Variants in TAF6 observed in about 807,000 individuals in gnomAD.
TAF6 encodes the protein TATA-box binding protein associated factor 6.
A neutral mutation model predicts 73.5 loss-of-function variants in TAF6; 50 were observed. The observed-to-expected ratio is 0.68, with a 90% CI of 0.54 to 0.86. The LOEUF (loss-of-function observed/expected upper bound fraction) is 0.86, where lower values mean the gene tolerates loss of function less well. TAF6 is among the 40% of genes least tolerant of loss of function. The pLI is 0.00. For synonymous variants in TAF6, 424 were observed against 376.7 expected, an observed-to-expected ratio of 1.13 and a Z score of -1.45; for missense variants, 768 against 899.5, an observed-to-expected ratio of 0.85 and a Z score of 1.87.
Position 100,107,183 on chromosome 7 carries a change from T to TAC in TAF6, c.*62_*63insGT. Reference sequence around the variant, plus strand: ...TCCTTCCGCTTAGCGAGCATGCATGTGTGTACGTGCACGTGTGTACATGTC... The same window carrying TAC: ...TCCTTCCGCTTAGCGAGCATGCATGTACGTGTACGTGCACGTGTGTACATGTC... On this transcript the variant is annotated 3_prime_UTR_variant, in exon 15 of 15. Transcript: ENST00000453269. 1 of 1,518,450 alleles carries TAC rather than the reference T, an allele frequency of 6.6e-7. No individual in the cohort carries two copies. The highest frequency in any genetic ancestry group is 1.3e-5 in the South Asian group (1 of 75,276). 94.1% of individuals were successfully genotyped at this position (1,518,450 alleles called of 1,614,324 possible). A position where few individuals can be genotyped will look rare whatever the true frequency, so the allele number is the denominator to read the frequency against.
intron 1 of TAF6, 117 bp downstream of exon 1, chr7:100,119,087 G>A (rs1797922647): frequency 2.0e-6 from 2 of 986,350 alleles, no homozygotes; most frequent in African/African-American, 1.7e-5. Context: ...AGAGAAGCAG[G>A]TCGAAGATCC....
chr7:100,108,703 TA>T (rs1312452688), intron 12 of TAF6, 163 bp from the exon 13 acceptor site: 1 of 682,580 alleles, frequency 1.5e-6, no homozygotes, highest in Non-Finnish European at 2.4e-6. Flanking sequence ...GCTGAACTAT[TA>T]GTGTGTGTAC....
Position 100,108,112 on chromosome 7 carries a change from C to G in TAF6, c.1470G>C (p.Thr490=). ...GCTGTGGGGCCTGCGAGAGGGTCAG[C>G]GTGGGCCGGGGCTGCGGGGAGAAGA... The part of the protein sequence containing the change: ...TTLTITQPRP[T]LTLSQAPQPG... Residue 490 remains threonine, a synonymous_variant, in exon 14 of 15, where the codon ACG becomes ACC. Transcript: ENST00000453269. The G allele has an allele frequency of 6.2e-7, 1 of 1,601,976 alleles. No individual in the cohort carries two copies. The highest frequency in any genetic ancestry group is 1.3e-5 in the African/African-American group (1 of 74,936).
chr7:100,121,076 C>G (rs1264610605), upstream of TAF6: 1 of 79,838 alleles, frequency 1.3e-5, no homozygotes, highest in Non-Finnish European at 2.5e-5. Context: ...TATTATTATC[C>G]AATTGTATTA....
At chr7:100,121,969 G>C (rs1279766965), upstream of TAF6, 2 of 308,318 alleles carry the variant, frequency 6.5e-6, no homozygotes, top group Admixed American at 9.8e-5. Context: ...AGAATGGCGT[G>C]AACCCAGGAG....
At chr7:100,114,668 C>T (rs748864611) in intron 1 of TAF6, 26 of 314,420 alleles carry the variant, frequency 8.3e-5, no homozygotes, top group African/African-American at 4.1e-4. Flanking sequence ...TGCAGTGAGC[C>T]GAGATCACGC....
At position 100,112,716 on chromosome 7, in the gene TAF6, A is replaced by C. The variant is rs1333654532; in HGVS notation, c.574+82T>G. ...GGTGACAGAGTGAGACTCTGTCTCAAAAACAAAAAAAAAGGAAACAAAACA... is the reference window on the plus strand; with the variant it reads ...GGTGACAGAGTGAGACTCTGTCTCACAAACAAAAAAAAAGGAAACAAAACA... On this transcript the variant is annotated intron_variant, in intron 6 of 14. Transcript: ENST00000453269. 4.7e-6 allele frequency: 7 copies of C among 1,498,566 alleles called. No individual in the cohort carries two copies. In the East Asian group the frequency reaches 1.2e-4, roughly 25 times the overall value. 92.8% of individuals were successfully genotyped at this position (1,498,566 alleles called of 1,614,324 possible). A position where few individuals can be genotyped will look rare whatever the true frequency, so the allele number is the denominator to read the frequency against.
chr7:100,112,063 A>G, intron 7 of TAF6, 45 bp downstream of exon 7: 2 of 1,613,696 alleles, frequency 1.2e-6, no homozygotes, highest in East Asian at 2.2e-5. Context: ...TAGGGCCCCC[A>G]GGAGGAGGCG....
chr7:100,124,669 T>C (rs369794793), upstream of TAF6: 10 of 1,611,540 alleles, frequency 6.2e-6, no homozygotes, highest in African/African-American at 1.1e-4. Flanking sequence ...TGCCAAGCCA[T>C]AGCCTCCCCT....
chr7:100,114,007 T>A, intron 2 of TAF6, 47 bp downstream of exon 2: 1 of 1,614,110 alleles, frequency 6.2e-7, no homozygotes, highest in Non-Finnish European at 8.5e-7. Flanking sequence ...GACGGGGCCC[T>A]GGGTGACATG....
intron 1 of TAF6, chr7:100,116,717 TC>T (rs1439788809): frequency 6.6e-6 from 1 of 152,150 alleles, no homozygotes; most frequent in African/African-American, 2.4e-5. Flanking sequence ...AATTACCTTC[TC>T]CCCATTATAT....
At chr7:100,122,397 G>C (rs190443531), upstream of TAF6, 2 of 1,613,886 alleles carry the variant, frequency 1.2e-6, no homozygotes, top group Admixed American at 1.7e-5. Flanking sequence ...TGAGTCCTTC[G>C]TGCTCCTCCC....
the TAF6 span, chr7:100,126,554 G>A: frequency 2.0e-5 from 3 of 152,360 alleles, no homozygotes; most frequent in African/African-American, 7.2e-5. Flanking sequence ...TAGCACTTCA[G>A]GAGACCAAGA....
intron 1 of TAF6, chr7:100,118,842 A>C: frequency 1.0e-6 from 1 of 985,218 alleles, no homozygotes; most frequent in Non-Finnish European, 1.2e-6. Flanking sequence ...GACTTTTATA[A>C]GTCTTATCTA....
chr7:100,118,665 AAC>A (rs1052032213), intron 1 of TAF6: 2 of 196,038 alleles, frequency 1.0e-5, no homozygotes, highest in African/African-American at 4.8e-5. Context: ...TCAAAAAAAA[AAC>A]AAAAAAAAAT....
chr7:100,124,798 GGAGGAGGAGGAGGAA>G (rs767734365), upstream of TAF6: 5 of 1,575,700 alleles, frequency 3.2e-6, no homozygotes, highest in African/African-American at 8.4e-5. Context: ...AGGAAGAGCA[GGAGGAGGAGGAGGAA>G]GAGGAGGAAG....
intron 8 of TAF6, 43 bp downstream of exon 8, chr7:100,111,879 G>T (rs760496986): frequency 6.2e-7 from 1 of 1,614,112 alleles, no homozygotes; most frequent in Admixed American, 1.7e-5. Flanking sequence ...CCTCACAGGA[G>T]CTTCCACTGC....
At chr7:100,112,744 C>G in intron 6 of TAF6, 54 bp downstream of exon 6, 1 of 1,531,116 alleles carries the variant, frequency 6.5e-7, no homozygotes, top group Non-Finnish European at 8.8e-7. Context: ...ACAAAACAAA[C>G]GGCCATGTGG....
intron 1 of TAF6, among the ~76,000 whole-genome samples, chr7:100,116,018 A>G (rs1797641216): frequency 1.3e-5 from 2 of 152,110 alleles, no homozygotes; most frequent in Admixed American, 6.6e-5. Context: ...CTCTGCTCCC[A>G]CTGCTTGGCC....
Sources: allele counts gnomAD v4.1 joint callset (sites outside exome capture counted in the v4.1 genomes callset), GRCh38; gene constraint gnomAD v4.1.1; transcripts MANE v1.5; gene names NCBI Gene and HGNC (gene_info 2026-07-23, HGNC 2026-07-21).